The following MEIG1 variants were observed in gnomAD, a reference collection of about 807,000 sequenced individuals.
MEIG1 encodes the protein meiosis expressed gene 1 protein homolog.
In MEIG1, 12 loss-of-function variants were observed where a neutral mutation model predicts 11.3. The ratio of observed to expected loss-of-function variants is 1.07; its 90% CI spans 0.68 to 1.73. MEIG1 has a LOEUF of 1.73. Ranked by LOEUF, MEIG1 falls within the 40% of genes most tolerant of loss-of-function variation. The probability of loss-of-function intolerance (pLI) is 0.00; values close to 1 mark genes in which losing one functional copy is unlikely to be tolerated. For synonymous variants in MEIG1, 41 were observed against 33.2 expected, an observed-to-expected ratio of 1.24 and a Z score of -0.81; for missense variants, 119 against 104.9, an observed-to-expected ratio of 1.13 and a Z score of -0.59.
At chr10:14,967,698 G>C (rs79728753) in intron 2 of MEIG1, among the ~76,000 whole-genome samples, 4 of 152,016 alleles carry the variant, frequency 2.6e-5, no homozygotes, top group African/African-American at 9.7e-5. Context: ...TCAAAAATTT[G>C]TGTATAACTT....
At chr10:14,986,523 A>G (rs1276790844) in intron 1 of MEIG1, among the ~76,000 whole-genome samples, 8 of 152,134 alleles carry the variant, frequency 5.3e-5, no homozygotes, top group South Asian at 4.1e-4. Context: ...TCAGGACCCA[A>G]TTATCCACTT....
chr10:14,983,226 G>A (rs1191765146), intron 1 of MEIG1, among the ~76,000 whole-genome samples: 2 of 152,144 alleles, frequency 1.3e-5, no homozygotes, highest in South Asian at 2.1e-4. Flanking sequence ...TCCCAAGATA[G>A]CACTGGGTGT....
chr10:14,967,560 A>G (rs926286160), intron 2 of MEIG1, among the ~76,000 whole-genome samples: 1 of 148,774 alleles, frequency 6.7e-6, no homozygotes, highest in Admixed American at 6.8e-5. Context: ...GCTGGAGTGC[A>G]CTGGCGCAAT....
upstream of MEIG1, among the ~76,000 whole-genome samples, chr10:14,956,483 G>A (rs1420033833): frequency 3.3e-5 from 5 of 152,110 alleles, no homozygotes; most frequent in Non-Finnish European, 7.3e-5. Context: ...TCAGGAGGCT[G>A]AGGCAGGAGA....
downstream of MEIG1, among the ~76,000 whole-genome samples, chr10:14,976,053 C>CG (rs548544198): frequency 1.1e-3 from 175 of 152,196 alleles, no homozygotes; most frequent in African/African-American, 3.6e-3. Flanking sequence ...AGGGGGGGAC[C>CG]GGGGGGTGAT....
chr10:14,969,929 C>A (rs1336367408), intron 2 of MEIG1, among the ~76,000 whole-genome samples: 1 of 150,676 alleles, frequency 6.6e-6, no homozygotes, highest in Non-Finnish European at 1.5e-5. Flanking sequence ...GTAACAAGAA[C>A]AATAAAACCT....
chr10:14,974,210 T>C (rs138943116), downstream of MEIG1, among the ~76,000 whole-genome samples: 3,459 of 152,240 alleles, frequency 0.023, 111 homozygotes, highest in African/African-American at 0.068. Flanking sequence ...GGTCCTTCCA[T>C]ACTCTTGGGG....
intron 1 of MEIG1, among the ~76,000 whole-genome samples, chr10:14,964,585 GTATATATA>G (rs1240178960): frequency 6.4e-5 from 6 of 93,042 alleles, no homozygotes; most frequent in Non-Finnish European, 1.3e-4. Flanking sequence ...GTGTGTGTGT[GTATATATA>G]TATATATATA....
Position 14,982,028 on chromosome 10 carries a change from T to G in MEIG1, n.67-4768T>G, listed in dbSNP as rs185802420. Reference sequence around the variant, plus strand: ...ATTCACCCCTGCAAGCCCAGCCTGCTTCTGCAGTTTTCTTCTAAGGTCTTC... The same window carrying G: ...ATTCACCCCTGCAAGCCCAGCCTGCGTCTGCAGTTTTCTTCTAAGGTCTTC... On this transcript the variant is annotated intron_variant and non_coding_transcript_variant, in intron 1 of 2. Transcript: ENST00000467536. 7.2e-5 allele frequency among the ~76,000 whole-genome samples: 11 copies of G among 152,352 alleles called. No homozygotes were observed. In the East Asian group the frequency reaches 1.9e-3, roughly 27 times the overall value.
At chr10:14,981,209 G>A (rs543600668) in intron 1 of MEIG1, among the ~76,000 whole-genome samples, 13 of 148,698 alleles carry the variant, frequency 8.7e-5, no homozygotes, top group Middle Eastern at 6.8e-3. Flanking sequence ...CTTGGCCACC[G>A]CTTAGCCAGA....
chr10:14,960,654 G>A (rs909218933), intron 1 of MEIG1, among the ~76,000 whole-genome samples: 1 of 151,822 alleles, frequency 6.6e-6, no homozygotes, highest in African/African-American at 2.4e-5. Context: ...TCCTGACCTC[G>A]TGATCCACCC....
chr10:14,967,370 T>C (rs1382731876), intron 2 of MEIG1, among the ~76,000 whole-genome samples: 1 of 152,156 alleles, frequency 6.6e-6, no homozygotes. Flanking sequence ...GTGACTTTGA[T>C]AGTATATCCC....
chr10:14,956,582 C>G (rs552587131), upstream of MEIG1, among the ~76,000 whole-genome samples: 317 of 152,106 alleles, frequency 2.1e-3, no homozygotes, highest in Middle Eastern at 0.01. Context: ...AACTCCATCT[C>G]GAAAGCAAAA....
chr10:14,954,508 CCTTGTGGGA>C (rs1283028960), upstream of MEIG1: 1 of 243,748 alleles, frequency 4.1e-6, no homozygotes, highest in Non-Finnish European at 8.3e-6. Flanking sequence ...CAATTTCTAA[CCTTGTGGGA>C]TTACCGTGAG....
downstream of MEIG1, among the ~76,000 whole-genome samples, chr10:14,973,672 A>G (rs1373615386): frequency 6.9e-6 from 1 of 144,110 alleles, no homozygotes; most frequent in African/African-American, 2.5e-5. Context: ...CAGAAGGCTG[A>G]GGCAGGAGAA....
chr10:14,966,171 C>T (rs1843081433), intron 1 of MEIG1, among the ~76,000 whole-genome samples: 1 of 144,362 alleles, frequency 6.9e-6, no homozygotes, highest in South Asian at 2.2e-4. Context: ...TCAAGCCATT[C>T]TCCTGGCTCA....
At chr10:14,955,241 T>C (rs1589196970), upstream of MEIG1, among the ~76,000 whole-genome samples, 1 of 152,284 alleles carries the variant, frequency 6.6e-6, no homozygotes, top group Non-Finnish European at 1.5e-5. Context: ...TCCATAACAC[T>C]TGAAGTCCCA....
downstream of MEIG1, among the ~76,000 whole-genome samples, chr10:14,976,287 C>T (rs560451049): frequency 1.3e-5 from 2 of 151,544 alleles, no homozygotes; most frequent in African/African-American, 2.4e-5. Flanking sequence ...ATATTAATTA[C>T]ATATTATTCA....
At chr10:14,963,274 T>G (rs1247829261) in intron 1 of MEIG1, among the ~76,000 whole-genome samples, 2 of 151,968 alleles carry the variant, frequency 1.3e-5, no homozygotes, top group African/African-American at 4.8e-5. Context: ...TTTTGTATTT[T>G]TAGTAGCGAC....
Sources: gnomAD v4.1 joint callset for allele counts (sites outside exome capture counted in the v4.1 genomes callset) on GRCh38, gnomAD v4.1.1 for gene constraint, MANE v1.5 for transcripts, NCBI Gene and HGNC (gene_info 2026-07-23, HGNC 2026-07-21) for gene names.